Variants in DAB1 observed in about 807,000 individuals in gnomAD.
DAB1 encodes the protein disabled homolog 1.
Under a neutral mutation model 64.6 loss-of-function variants are expected in DAB1, and 15 were observed. The ratio of observed to expected loss-of-function variants is 0.23; its 90% confidence interval spans 0.16 to 0.36. DAB1 has a LOEUF of 0.36. DAB1 is among the 10% of genes least tolerant of loss of function. The pLI, the probability that DAB1 is intolerant of heterozygous loss-of-function variation, is 1.00. For synonymous variants in DAB1, 235 were observed against 251.9 expected (o/e 0.93, Z 0.64); for missense variants, 596 against 706.7 (o/e 0.84, Z 1.78).
chr1:58,322,123 A>G (rs996998563), intron 4 of DAB1, among the ~76,000 whole-genome samples: 2 of 152,244 alleles, frequency 1.3e-5, no homozygotes, highest in Non-Finnish European at 2.9e-5. Flanking sequence ...ATTAGACCTA[A>G]AACCATAAAA....
chr1:57,833,687 C>G (rs1557506489), intron 1 of DAB1, among the ~76,000 whole-genome samples: 2 of 152,160 alleles, frequency 1.3e-5, no homozygotes, highest in Non-Finnish European at 2.9e-5. Flanking sequence ...GTAGAAACAG[C>G]AATATTTTCT....
At chr1:57,005,476 G>C (rs1646034113) in intron 14 of DAB1, among the ~76,000 whole-genome samples, 1 of 152,210 alleles carries the variant, frequency 6.6e-6, no homozygotes, top group Non-Finnish European at 1.5e-5. Flanking sequence ...GATGGGAATA[G>C]AGACAGCCTG....
At chr1:57,708,362 T>C (rs1044352570) in intron 6 of DAB1, among the ~76,000 whole-genome samples, 1 of 152,192 alleles carries the variant, frequency 6.6e-6, no homozygotes, top group African/African-American at 2.4e-5. Context: ...TCTGTACTCT[T>C]CCTTCTCTTT....
chr1:57,306,031 T>G (rs1674131556), intron 1 of DAB1, among the ~76,000 whole-genome samples: 1 of 151,956 alleles, frequency 6.6e-6, no homozygotes, highest in African/African-American at 2.4e-5. Flanking sequence ...CCTACTAGGC[T>G]TCACGTTCTG....
chr1:58,394,505 A>G (rs953252631), intron 3 of DAB1, among the ~76,000 whole-genome samples: 2 of 150,036 alleles, frequency 1.3e-5, no homozygotes, highest in Admixed American at 1.3e-4. Flanking sequence ...AAATTGCAGT[A>G]CATCCATACA....
chr1:57,056,976 T>G lies in DAB1; in HGVS notation c.723+5908A>C, dbSNP rs1270415469. Among the ~76,000 whole-genome samples the G allele has an allele frequency of 2.6e-5, 4 of 151,974 alleles. 1 individual carries two copies. Among genetic ancestry groups the G allele is most frequent in the Non-Finnish European group, 1.5e-5 (1 of 67,982 alleles). On this transcript the variant is annotated intron_variant, in intron 9 of 14. Coordinates refer to ENST00000371236, the MANE Select transcript of DAB1 (RefSeq NM_001365792.1). ...TTTTAACTGGATCTTGAATGTTGAATGAAGAAAAAGTTCAGCAAGAGTACT... is the reference window on the plus strand; with the variant it reads ...TTTTAACTGGATCTTGAATGTTGAAGGAAGAAAAAGTTCAGCAAGAGTACT...
chr1:58,279,191 C>G (rs1373242706), intron 4 of DAB1, among the ~76,000 whole-genome samples: 1 of 152,156 alleles, frequency 6.6e-6, no homozygotes, highest in East Asian at 1.9e-4. Flanking sequence ...TTCTCAGATT[C>G]CTGAAAGGCA....
chr1:57,515,993 C>T (rs370369379), intron 7 of DAB1, among the ~76,000 whole-genome samples: 5 of 152,198 alleles, frequency 3.3e-5, no homozygotes, highest in African/African-American at 1.2e-4. Flanking sequence ...TAGCGAAATG[C>T]TAGGACTTAG....
At chr1:57,129,777 G>A (rs759208674) in intron 4 of DAB1, among the ~76,000 whole-genome samples, 5 of 152,010 alleles carry the variant, frequency 3.3e-5, no homozygotes, top group South Asian at 2.1e-4. Context: ...ATTCTGAATC[G>A]TGGATATTTT....
chr1:57,527,599 T>A (rs764479032), intron 7 of DAB1, among the ~76,000 whole-genome samples: 26 of 152,158 alleles, frequency 1.7e-4, no homozygotes, highest in Non-Finnish European at 3.5e-4. Flanking sequence ...TCCAGATACA[T>A]ACATAAAAGT....
chr1:57,458,738 A>G (rs148250251), intron 7 of DAB1, among the ~76,000 whole-genome samples: 140 of 152,234 alleles, frequency 9.2e-4, no homozygotes, highest in Middle Eastern at 3.4e-3. Flanking sequence ...ATTATGCATT[A>G]TTCGTGTTTC....
At chr1:58,215,706 A>AT (rs1658816888) in intron 4 of DAB1, among the ~76,000 whole-genome samples, 1 of 152,174 alleles carries the variant, frequency 6.6e-6, no homozygotes, top group Non-Finnish European at 1.5e-5. Context: ...TTGGAAGGAT[A>AT]TTGAAAATGC....
intron 2 of DAB1, among the ~76,000 whole-genome samples, chr1:57,148,105 A>T (rs1198380374): frequency 6.6e-6 from 1 of 152,226 alleles, no homozygotes; most frequent in Non-Finnish European, 1.5e-5. Flanking sequence ...CCATGGAAGG[A>T]TGGAGAGACA....
intron 5 of DAB1, among the ~76,000 whole-genome samples, chr1:57,990,103 G>T (rs929739771): frequency 2.0e-5 from 3 of 152,062 alleles, no homozygotes; most frequent in Non-Finnish European, 4.4e-5. Flanking sequence ...GAAGGCAAGG[G>T]CAGGAATAGC....
chr1:58,146,828 T>C (rs1252945474), intron 5 of DAB1, among the ~76,000 whole-genome samples: 2 of 152,138 alleles, frequency 1.3e-5, no homozygotes, highest in Non-Finnish European at 2.9e-5. Flanking sequence ...CCTTTATCCA[T>C]CCATCCATCC....
At position 57,798,760 on chromosome 1, in the gene DAB1, T is replaced by A. The variant is rs1650988540; in HGVS notation, n.551+85239A>T. Among the ~76,000 whole-genome samples, 3 of 152,208 alleles carry A rather than the reference T, an allele frequency of 2.0e-5. No individual in the cohort carries two copies. The South Asian group carries it at 6.2e-4, about 32-fold the overall frequency. The stretch of plus-strand genomic sequence containing the variant: ...CATTCAAAGCAGCATTTCTTCCATG[T>A]CTGGGCTCACTTTCAAGGCTGTCTG... On this transcript the variant is annotated intron_variant and non_coding_transcript_variant, in intron 6 of 20. Transcript: ENST00000485760.
intron 6 of DAB1, among the ~76,000 whole-genome samples, chr1:57,762,729 A>G (rs1487385243): frequency 6.6e-6 from 1 of 152,204 alleles, no homozygotes; most frequent in African/African-American, 2.4e-5. Flanking sequence ...TTCTCAGAGT[A>G]CAAATTTCTA....
At chr1:58,531,833 C>T (rs535805383) in intron 1 of DAB1, among the ~76,000 whole-genome samples, 65 of 152,116 alleles carry the variant, frequency 4.3e-4, no homozygotes, top group African/African-American at 6.7e-4. Flanking sequence ...CTCAGCCTCC[C>T]GAGTACCTGT....
At chr1:58,396,790 C>T (rs1480088490) in intron 3 of DAB1, among the ~76,000 whole-genome samples, 1 of 152,096 alleles carries the variant, frequency 6.6e-6, no homozygotes, top group African/African-American at 2.4e-5. Context: ...AGTCCGGGCG[C>T]GGTGGCTCAC....
Sources: allele counts gnomAD v4.1 joint callset (sites outside exome capture counted in the v4.1 genomes callset), GRCh38; gene constraint gnomAD v4.1.1; transcripts MANE v1.5; gene names NCBI Gene and HGNC (gene_info 2026-07-23, HGNC 2026-07-21).